FAM149B1: variants seen among roughly 807,000 people sequenced by gnomAD.
FAM149B1 encodes the protein family with sequence similarity 149 member B1, also known as primary cilium assembly protein FAM149B1.
Under a neutral mutation model 75.3 loss-of-function variants are expected in FAM149B1, and 56 were observed. That is an observed-to-expected ratio of 0.74 (90% CI 0.60 to 0.93). The LOEUF (loss-of-function observed/expected upper bound fraction) is 0.93. Ranked by LOEUF, FAM149B1 falls within the 40% of genes least tolerant of loss-of-function variation. The pLI, the probability that FAM149B1 is intolerant of heterozygous loss-of-function variation, is 0.00. For missense variants in FAM149B1, 639 were observed against 708.4 expected (o/e 0.90, Z 1.11); for synonymous variants, 259 against 256.1 (o/e 1.01, Z -0.11).
chr10:73,198,329 G>A (rs1431251795), intron 5 of FAM149B1, among the ~76,000 whole-genome samples: 1 of 152,062 alleles, frequency 6.6e-6, no homozygotes, highest in African/African-American at 2.4e-5. Flanking sequence ...TAAAAGCACA[G>A]GCAACAAAAG....
chr10:73,228,011 G>A, intron 7 of FAM149B1, 49 bp from the exon 8 acceptor site: 1 of 1,534,588 alleles, frequency 6.5e-7, no homozygotes, highest in Non-Finnish European at 8.8e-7. Flanking sequence ...TACTGTTGCT[G>A]TGGGCCAGAA....
At chr10:73,212,802 T>A (rs1271471309) in intron 7 of FAM149B1, among the ~76,000 whole-genome samples, 1 of 152,182 alleles carries the variant, frequency 6.6e-6, no homozygotes, top group Non-Finnish European at 1.5e-5. Flanking sequence ...CTTGTATGTC[T>A]TCTTTTGAAA....
At chr10:73,168,466 T>C in intron 1 of FAM149B1, 80 bp downstream of exon 1, 1 of 1,491,262 alleles carries the variant, frequency 6.7e-7, no homozygotes, top group Non-Finnish European at 9.1e-7. Context: ...CCTTCGTTCC[T>C]TTCCTTTCCC....
At position 73,234,925 on chromosome 10, in the gene FAM149B1, G is replaced by C. The variant is rs2043788608; in HGVS notation, c.1461G>C (p.Gly487=). ...AAGTGGAACATGTGAGCACTGTGGG[G>C]CCACAAAGACAGATGGTATGTTTCT... ...TAEVEHVSTV[G]PQRQMKPHGD... The change falls in exon 11 of 14, where the codon GGG becomes GGC. Residue 487 remains glycine, a synonymous_variant. Transcript: ENST00000242505. The C allele has an allele frequency of 1.9e-6, 3 of 1,551,866 alleles. No individual in the cohort carries two copies. The highest frequency in any genetic ancestry group is 2.6e-6 in the Non-Finnish European group (3 of 1,147,062).
Position 73,242,532 on chromosome 10 carries a change from A to G in FAM149B1, c.*1513A>G, listed in dbSNP as rs2043966523. On this transcript the variant is annotated 3_prime_UTR_variant, in exon 14 of 14. Coordinates refer to ENST00000242505, the MANE Select transcript of FAM149B1 (RefSeq NM_173348.2). The stretch of plus-strand genomic sequence containing the variant: ...AAAAAACTGGACATGTTTAATACAT[A>G]CAGTTTGACAAATTTGGATTTCACT... The G allele has an allele frequency of 1.3e-5, 2 of 151,688 alleles. No homozygotes were observed. Among genetic ancestry groups the G allele is most frequent in the South Asian group, 4.2e-4 (2 of 4,752 alleles). 9.4% of individuals were successfully genotyped at this position (151,688 alleles called of 1,614,324 possible). A position where few individuals can be genotyped will look rare whatever the true frequency, so the allele number is the denominator to read the frequency against.
intron 7 of FAM149B1, among the ~76,000 whole-genome samples, chr10:73,227,553 T>TA (rs2043580132): frequency 6.6e-6 from 1 of 152,236 alleles, no homozygotes; most frequent in East Asian, 1.9e-4. Context: ...ATGTGATTCT[T>TA]AAAAGTGATT....
At chr10:73,231,956 TAG>T (rs1266700188) in intron 9 of FAM149B1, among the ~76,000 whole-genome samples, 2 of 149,508 alleles carry the variant, frequency 1.3e-5, no homozygotes, top group Admixed American at 6.7e-5. Context: ...AGTGAATTGC[TAG>T]AGAGGCAGGA....
Position 73,177,978 on chromosome 10 carries a change from G to A in FAM149B1, c.282+3G>A. 1 of 1,547,126 alleles carries A rather than the reference G, an allele frequency of 6.5e-7. No individual in the cohort carries two copies. Among genetic ancestry groups the A allele is most frequent in the South Asian group, 1.2e-5 (1 of 83,572 alleles). ...CGGACTTCTCCTGGGGATATGGTGTGAGTTATATGTTATCAGTCTGATAGA... is the reference window on the plus strand; with the variant it reads ...CGGACTTCTCCTGGGGATATGGTGTAAGTTATATGTTATCAGTCTGATAGA... On this transcript the variant is annotated splice_donor_region_variant and intron_variant, in intron 3 of 13. Coordinates refer to ENST00000242505, the MANE Select transcript of FAM149B1 (RefSeq NM_173348.2).
At chr10:73,197,264 A>G (rs2042826254) in intron 5 of FAM149B1, among the ~76,000 whole-genome samples, 1 of 152,204 alleles carries the variant, frequency 6.6e-6, no homozygotes, top group Admixed American at 6.5e-5. Flanking sequence ...TGGCTTCCCA[A>G]AGTGCTGGGA....
chr10:73,201,669 G>A (rs962779669), intron 5 of FAM149B1, among the ~76,000 whole-genome samples: 5 of 152,128 alleles, frequency 3.3e-5, no homozygotes, highest in Non-Finnish European at 7.4e-5. Flanking sequence ...TTTTTAGAAG[G>A]CATTCGAATG....
At chr10:73,200,581 A>G in intron 5 of FAM149B1, 2 of 737,252 alleles carry the variant, frequency 2.7e-6, no homozygotes, top group South Asian at 3.1e-5. Flanking sequence ...TGTTCAGCCA[A>G]GGGTTTAAGG....
chr10:73,209,887 T>C (rs1341663797), intron 6 of FAM149B1, among the ~76,000 whole-genome samples: 2 of 150,132 alleles, frequency 1.3e-5, no homozygotes, highest in African/African-American at 4.9e-5. Flanking sequence ...TGCATTTTTT[T>C]TTTCCCATTG....
At chr10:73,239,014 C>G (rs2043885372) in intron 12 of FAM149B1, 2 of 228,458 alleles carry the variant, frequency 8.8e-6, no homozygotes, top group African/African-American at 2.3e-5. Context: ...TGAGACGAAC[C>G]CCCTTAGAAC....
intron 2 of FAM149B1, among the ~76,000 whole-genome samples, chr10:73,177,063 T>C (rs970650649): frequency 6.7e-6 from 1 of 149,510 alleles, no homozygotes; most frequent in African/African-American, 2.5e-5. Flanking sequence ...AATTAGCCAG[T>C]CATGGTGGCA....
chr10:73,219,739 A>G (rs2043367773), intron 7 of FAM149B1, among the ~76,000 whole-genome samples: 1 of 152,178 alleles, frequency 6.6e-6, no homozygotes, highest in South Asian at 2.1e-4. Context: ...ACTTCATACC[A>G]TATACAAAAA....
intron 7 of FAM149B1, among the ~76,000 whole-genome samples, chr10:73,211,257 G>C (rs533677473): frequency 2.6e-5 from 4 of 152,308 alleles, no homozygotes; most frequent in African/African-American, 9.6e-5. Context: ...CTCCCTAGAG[G>C]TTAAGGGGTG....
chr10:73,168,461 G>C (rs1349392219), intron 1 of FAM149B1, 75 bp downstream of exon 1: 7 of 1,503,712 alleles, frequency 4.7e-6, no homozygotes, highest in Non-Finnish European at 6.3e-6. Context: ...CCAGTCCTTC[G>C]TTCCTTTCCT....
At chr10:73,237,610 C>T (rs1197618984) in intron 12 of FAM149B1, among the ~76,000 whole-genome samples, 1 of 152,120 alleles carries the variant, frequency 6.6e-6, no homozygotes, top group Non-Finnish European at 1.5e-5. Flanking sequence ...TTAGTAAAGA[C>T]AGTGTTTCTC....
At chr10:73,185,133 C>T (rs1277418640) in intron 3 of FAM149B1, among the ~76,000 whole-genome samples, 2 of 151,906 alleles carry the variant, frequency 1.3e-5, no homozygotes, top group Non-Finnish European at 2.9e-5. Context: ...GGACAAATCC[C>T]TAGAAAGACA....
Sources: allele counts gnomAD v4.1 joint callset (sites outside exome capture counted in the v4.1 genomes callset), GRCh38; gene constraint gnomAD v4.1.1; transcripts MANE v1.5; gene names NCBI Gene and HGNC (gene_info 2026-07-23, HGNC 2026-07-21).